The following SORCS1 variants were observed in gnomAD, a reference collection of about 807,000 sequenced individuals.
SORCS1 encodes the protein VPS10 domain-containing receptor SorCS1.
A neutral mutation model predicts 146.1 loss-of-function variants in SORCS1; 60 were observed. The observed-to-expected ratio is 0.41, with a 90% confidence interval of 0.33 to 0.51. The LOEUF (loss-of-function observed/expected upper bound fraction) is 0.51. SORCS1 is among the 20% of genes least tolerant of loss of function. The pLI is 0.21. For synonymous variants in SORCS1, 637 were observed against 584.0 expected (o/e 1.09, Z -1.31); for missense variants, 1,352 against 1,487.6 (o/e 0.91, Z 1.50).
In SORCS1 at chr10:106,731,357, G is replaced by A. The variant is rs947451074; in HGVS notation, c.960-1243C>T. Among the ~76,000 whole-genome samples, 80 of 141,198 alleles carry A rather than the reference G, an allele frequency of 5.7e-4. 1 individual carries two copies. Among genetic ancestry groups the A allele is most frequent in the African/African-American group, 2.1e-3 (80 of 37,230 alleles). 92.6% of individuals were successfully genotyped at this position (141,198 alleles called of 152,430 possible). A position where few individuals can be genotyped will look rare whatever the true frequency, so the allele number is the denominator to read the frequency against. On this transcript the variant is annotated intron_variant, in intron 5 of 25. Coordinates refer to ENST00000263054, the MANE Select transcript of SORCS1 (RefSeq NM_052918.5). Reference sequence around the variant, plus strand: ...CTCCAGAGCCTAGTGCGGTATCCACGACCCTGCACAGACTGGGTCCATCTC... The same window carrying A: ...CTCCAGAGCCTAGTGCGGTATCCACAACCCTGCACAGACTGGGTCCATCTC...
intron 3 of SORCS1, among the ~76,000 whole-genome samples, chr10:106,818,342 A>C (rs943564271): frequency 1.3e-5 from 2 of 151,986 alleles, no homozygotes; most frequent in African/African-American, 2.4e-5. Flanking sequence ...TATTACATAA[A>C]AACTGTAATT....
At chr10:107,009,850 G>A (rs896871116) in intron 1 of SORCS1, among the ~76,000 whole-genome samples, 8 of 152,136 alleles carry the variant, frequency 5.3e-5, no homozygotes, top group African/African-American at 1.9e-4. Context: ...AAGAATAGGT[G>A]CATAGGGAGA....
chr10:107,045,855 T>C (rs1432500430), intron 1 of SORCS1, among the ~76,000 whole-genome samples: 1 of 151,344 alleles, frequency 6.6e-6, no homozygotes, highest in Non-Finnish European at 1.5e-5. Context: ...ATAACAACAG[T>C]GTACTACAAC....
intron 5 of SORCS1, among the ~76,000 whole-genome samples, chr10:106,760,475 A>G (rs1859010414): frequency 6.7e-6 from 1 of 149,494 alleles, no homozygotes. Context: ...AGAGGAAGAG[A>G]GATCAGAGCT....
intron 5 of SORCS1, among the ~76,000 whole-genome samples, chr10:106,756,348 G>C (rs749433333): frequency 6.6e-6 from 1 of 152,142 alleles, no homozygotes; most frequent in Non-Finnish European, 1.5e-5. Flanking sequence ...CATCTCATTT[G>C]ATGAAGTAGG....
intron 4 of SORCS1, among the ~76,000 whole-genome samples, chr10:106,767,454 G>C (rs1175276747): frequency 6.6e-6 from 1 of 151,906 alleles, no homozygotes; most frequent in East Asian, 1.9e-4. Flanking sequence ...AAAATGATAA[G>C]ATAAAATCTT....
chr10:106,767,899 T>C (rs2136300056), intron 4 of SORCS1, among the ~76,000 whole-genome samples: 1 of 152,350 alleles, frequency 6.6e-6, no homozygotes, highest in African/African-American at 2.4e-5. Flanking sequence ...AACTATTAAA[T>C]AGCACAATTG....
At chr10:106,963,101 A>G (rs1360155746) in intron 1 of SORCS1, among the ~76,000 whole-genome samples, 7 of 125,770 alleles carry the variant, frequency 5.6e-5, no homozygotes, top group Non-Finnish European at 1.0e-4. Context: ...GCAGTGTTCA[A>G]TGGCCAGAAT....
At chr10:106,865,245 A>G (rs1308780160) in intron 2 of SORCS1, among the ~76,000 whole-genome samples, 2 of 151,310 alleles carry the variant, frequency 1.3e-5, no homozygotes, top group East Asian at 2.0e-4. Context: ...GCTACCTCCT[A>G]CAGGTGCATT....
Position 106,738,917 on chromosome 10 carries a change from G to A in SORCS1, c.960-8803C>T, listed in dbSNP as rs762314239. ...TGCCCCGGCTGGTCTTGAACTCCTG[G>A]ACTCAAGCAATCTGTCCACTTTGGC... On this transcript the variant is annotated intron_variant, in intron 5 of 25. Coordinates refer to ENST00000263054, the MANE Select transcript of SORCS1 (RefSeq NM_052918.5). Among the ~76,000 whole-genome samples the A allele has an allele frequency of 2.4e-4, 36 of 152,122 alleles. 1 individual carries two copies. Among genetic ancestry groups the A allele is most frequent in the Admixed American group, 1.8e-3 (28 of 15,262 alleles).
chr10:106,773,476 T>TA (rs1295899948), intron 4 of SORCS1, among the ~76,000 whole-genome samples: 3 of 152,180 alleles, frequency 2.0e-5, no homozygotes, highest in African/African-American at 7.2e-5. Flanking sequence ...CCCCACTCCC[T>TA]ATTCTGTGAT....
chr10:106,848,807 C>T (rs1296429621), intron 2 of SORCS1, among the ~76,000 whole-genome samples: 1 of 143,724 alleles, frequency 7.0e-6, no homozygotes, highest in African/African-American at 2.6e-5. Flanking sequence ...TCAGCATTTG[C>T]TTGTCTGTAA....
intron 2 of SORCS1, among the ~76,000 whole-genome samples, chr10:106,926,334 T>C (rs960664360): frequency 6.6e-6 from 1 of 152,128 alleles, no homozygotes; most frequent in Non-Finnish European, 1.5e-5. Flanking sequence ...AAGACTAAAG[T>C]CAAAAATAAC....
intron 3 of SORCS1, among the ~76,000 whole-genome samples, chr10:106,827,260 T>C (rs1948346346): frequency 6.7e-6 from 1 of 149,774 alleles, no homozygotes; most frequent in Non-Finnish European, 1.5e-5. Flanking sequence ...AAACAGAGAC[T>C]ATCATTGATT....
In SORCS1 at chr10:106,785,997, CCT is replaced by C. The variant is rs748912746; in HGVS notation, c.727-9307_727-9306del. Among the ~76,000 whole-genome samples, 9 of 152,276 alleles carry C rather than the reference CCT, an allele frequency of 5.9e-5. No homozygotes were observed. The East Asian group carries it at 1.5e-3, about 26-fold the overall frequency. On this transcript the variant is annotated intron_variant, in intron 3 of 25. Transcript: ENST00000263054. ...GCATAATTACATCATCTGCTGCTTT[CCT>C]CTCTCTTTTTGGATTTCAGTCACAG...
At chr10:106,579,049 C>A (rs74668920) in intron 25 of SORCS1, 45,673 of 1,607,010 alleles carry the variant, frequency 0.028, 729 homozygotes, top group Middle Eastern at 0.034. Flanking sequence ...TCAGCCATTG[C>A]CTACTCAGCC....
intron 1 of SORCS1, among the ~76,000 whole-genome samples, chr10:107,089,553 C>G (rs1307682875): frequency 1.3e-5 from 2 of 152,178 alleles, no homozygotes; most frequent in East Asian, 3.9e-4. Flanking sequence ...TTCCTTCTCA[C>G]TGCTGTATCC....
At chr10:106,623,225 T>C (rs2133521141) in intron 19 of SORCS1, among the ~76,000 whole-genome samples, 1 of 152,006 alleles carries the variant, frequency 6.6e-6, no homozygotes, top group East Asian at 2.0e-4. Context: ...GAGGTTCATT[T>C]TGTCTCTCAT....
At chr10:106,669,901 C>T (rs1851458024) in intron 16 of SORCS1, among the ~76,000 whole-genome samples, 1 of 152,164 alleles carries the variant, frequency 6.6e-6, no homozygotes. Flanking sequence ...CAGATGTCTA[C>T]CATAAGAGAA....
Sources: allele counts gnomAD v4.1 joint callset (sites outside exome capture counted in the v4.1 genomes callset), GRCh38; gene constraint gnomAD v4.1.1; transcripts MANE v1.5; gene names NCBI Gene and HGNC (gene_info 2026-07-23, HGNC 2026-07-21).